The following SLC2A9 variants were observed in gnomAD, a reference collection of about 807,000 sequenced individuals.
The protein encoded by SLC2A9 is solute carrier family 2 member 9.
Under a neutral mutation model 50.6 loss-of-function variants are expected in SLC2A9, and 39 were observed. The ratio of observed to expected loss-of-function variants is 0.77; its 90% CI spans 0.60 to 1.01. The LOEUF (loss-of-function observed/expected upper bound fraction) is 1.01, where lower values mean the gene tolerates loss of function less well. Among genes scored for constraint, SLC2A9 ranks in the 50% least tolerant of loss-of-function variants. The probability of loss-of-function intolerance (pLI) is 0.00; values close to 1 mark genes in which losing one functional copy is unlikely to be tolerated. For missense variants in SLC2A9, 686 were observed against 677.6 expected, an observed-to-expected ratio of 1.01 and a Z score of -0.14; for synonymous variants, 324 against 276.9, an observed-to-expected ratio of 1.17 and a Z score of -1.69.
intron 3 of SLC2A9, among the ~76,000 whole-genome samples, chr4:9,804,387 C>A (rs757297458): frequency 6.6e-6 from 1 of 152,008 alleles, no homozygotes; most frequent in Non-Finnish European, 1.5e-5. Flanking sequence ...AACTCATCTG[C>A]CTTTCTCTTT....
At chr4:9,889,263 A>C (rs1736890492) in intron 9 of SLC2A9, among the ~76,000 whole-genome samples, 1 of 152,118 alleles carries the variant, frequency 6.6e-6, no homozygotes. Context: ...AGGAGAGGAA[A>C]CTGCCAGGTT....
intron 1 of SLC2A9, among the ~76,000 whole-genome samples, chr4:10,037,720 G>C (rs1453367736): frequency 6.6e-6 from 1 of 152,196 alleles, no homozygotes; most frequent in African/African-American, 2.4e-5. Flanking sequence ...AGGCCAAGGT[G>C]GGCAGATCAC....
chr4:9,891,821 T>C (rs980088155), intron 8 of SLC2A9, among the ~76,000 whole-genome samples: 2 of 152,028 alleles, frequency 1.3e-5, no homozygotes, highest in African/African-American at 4.8e-5. Flanking sequence ...GGGAAAAGGT[T>C]TTGGGGCTGG....
At chr4:9,867,329 C>G (rs1000100921) in intron 10 of SLC2A9, among the ~76,000 whole-genome samples, 6 of 152,218 alleles carry the variant, frequency 3.9e-5, no homozygotes, top group African/African-American at 1.4e-4. Flanking sequence ...AGCCTGCACT[C>G]TCTGCAGCCA....
At chr4:10,021,810 G>C (rs1763528883), upstream of SLC2A9, among the ~76,000 whole-genome samples, 1 of 150,988 alleles carries the variant, frequency 6.6e-6, no homozygotes, top group South Asian at 2.1e-4. Flanking sequence ...TGACTCAGAA[G>C]CCTGCATACA....
chr4:9,883,885 C>T (rs1735679350), intron 10 of SLC2A9, among the ~76,000 whole-genome samples: 3 of 152,218 alleles, frequency 2.0e-5, no homozygotes, highest in African/African-American at 7.2e-5. Context: ...ACTCTGCATC[C>T]AGGGCTGGCC....
chr4:9,991,357 T>C (rs1757687136), intron 3 of SLC2A9, among the ~76,000 whole-genome samples: 1 of 152,192 alleles, frequency 6.6e-6, no homozygotes, highest in Non-Finnish European at 1.5e-5. Flanking sequence ...TGTTGCTCAG[T>C]CATGGACTAA....
At chr4:10,027,727 T>A (rs1763802268) in intron 1 of SLC2A9, among the ~76,000 whole-genome samples, 1 of 152,018 alleles carries the variant, frequency 6.6e-6, no homozygotes, top group Non-Finnish European at 1.5e-5. Context: ...ATTTTTTTTT[T>A]ATTGATACAT....
Position 9,920,438 on chromosome 4 carries a change from C to T in SLC2A9, c.949G>A (p.Val317Met), listed in dbSNP as rs759074858. 2.1e-5 allele frequency: 34 copies of T among 1,614,068 alleles called. No homozygotes were observed. The highest frequency in any genetic ancestry group is 1.6e-4 in the Middle Eastern group (1 of 6,084). The change falls in exon 7 of 12, where the codon GTG becomes ATG. Residue 317 changes from valine to methionine, a missense_variant. Val to Met is a conservative substitution (Grantham distance 21). Transcript: ENST00000264784. ...LLRAPYVRWQ[V>M]VTVIVTMACY... ...GCCATGGTGACAATCACGGTGACCA[C>T]CTGCCAGCGGACGTAGGGAGCTCTC...
intron 7 of SLC2A9, among the ~76,000 whole-genome samples, chr4:9,919,771 T>C (rs749814482): frequency 3.3e-5 from 5 of 152,180 alleles, no homozygotes; most frequent in Non-Finnish European, 5.9e-5. Flanking sequence ...CCCACTCCAT[T>C]TGTCAGAAGC....
chr4:10,016,931 T>C (rs747402681), intron 2 of SLC2A9, among the ~76,000 whole-genome samples: 9 of 152,070 alleles, frequency 5.9e-5, no homozygotes, highest in Non-Finnish European at 1.3e-4. Context: ...CCACCTCTTC[T>C]TTCATCCCAG....
intron 1 of SLC2A9, among the ~76,000 whole-genome samples, chr4:10,032,013 T>C (rs1008747708): frequency 6.6e-6 from 1 of 152,218 alleles, no homozygotes; most frequent in Non-Finnish European, 1.5e-5. Context: ...TGCGTTCACT[T>C]ATTCATCCGA....
At chr4:9,916,800 C>G (rs1026675909) in intron 7 of SLC2A9, among the ~76,000 whole-genome samples, 1 of 152,216 alleles carries the variant, frequency 6.6e-6, no homozygotes, top group Admixed American at 6.5e-5. Flanking sequence ...TGAAGGCTTC[C>G]CCACACTGGG....
At chr4:9,927,398 C>T (rs995820461) in intron 6 of SLC2A9, among the ~76,000 whole-genome samples, 1 of 152,224 alleles carries the variant, frequency 6.6e-6, no homozygotes, top group Non-Finnish European at 1.5e-5. Flanking sequence ...TTATCACCTC[C>T]TGCTAGAGCA....
chr4:9,855,474 A>G (rs1003833728), intron 10 of SLC2A9, among the ~76,000 whole-genome samples: 4 of 152,202 alleles, frequency 2.6e-5, no homozygotes, highest in African/African-American at 9.7e-5. Flanking sequence ...AGATGACACA[A>G]ACAAATAGAA....
intron 8 of SLC2A9, among the ~76,000 whole-genome samples, chr4:9,906,359 G>A (rs182813938): frequency 2.0e-5 from 3 of 152,316 alleles, no homozygotes; most frequent in East Asian, 1.9e-4. Flanking sequence ...AAAATTACTG[G>A]AGAAGGATAA....
downstream of SLC2A9, among the ~76,000 whole-genome samples, chr4:9,798,375 C>T (rs114242617): frequency 6.6e-6 from 1 of 152,182 alleles, no homozygotes. Flanking sequence ...TTTGTGTGGT[C>T]ACTGTATTCC....
At chr4:9,799,000 T>C (rs1720957448), downstream of SLC2A9, 1 of 152,244 alleles carries the variant, frequency 6.6e-6, no homozygotes, top group African/African-American at 2.4e-5. Flanking sequence ...TCTCCTTCCA[T>C]CACTCCACAT....
intron 5 of SLC2A9, among the ~76,000 whole-genome samples, chr4:9,954,347 C>A (rs4311316): frequency 0.48 from 73,430 of 152,212 alleles, 19,106 homozygotes; most frequent in African/African-American, 0.67. Context: ...GACTTGTCTG[C>A]AACTATATTT....
Sources: gnomAD v4.1 joint callset for allele counts (sites outside exome capture counted in the v4.1 genomes callset) on GRCh38, gnomAD v4.1.1 for gene constraint, MANE v1.5 for transcripts, NCBI Gene and HGNC (gene_info 2026-07-23, HGNC 2026-07-21) for gene names.